Variants in MAN1A1 observed in about 807,000 individuals in gnomAD.
MAN1A1 encodes mannosyl-oligosaccharide 1,2-alpha-mannosidase IA.
A neutral mutation model predicts 70.8 loss-of-function variants in MAN1A1; 29 were observed. The observed-to-expected ratio is 0.41, with a 90% CI of 0.31 to 0.56. The LOEUF is 0.56. MAN1A1 is among the 20% of genes least tolerant of loss of function. MAN1A1 has a pLI of 0.29. For missense variants in MAN1A1, 747 were observed against 841.3 expected, an observed-to-expected ratio of 0.89 and a Z score of 1.39; for synonymous variants, 349 against 330.1, an observed-to-expected ratio of 1.06 and a Z score of -0.62.
intron 6 of MAN1A1, among the ~76,000 whole-genome samples, chr6:119,245,876 A>G (rs1460097179): frequency 1.3e-5 from 2 of 152,138 alleles, no homozygotes; most frequent in East Asian, 3.9e-4. Flanking sequence ...AATGCAAAAT[A>G]CTGCGCAAAA....
intron 4 of MAN1A1, among the ~76,000 whole-genome samples, chr6:119,294,283 T>C (rs1027780348): frequency 1.3e-5 from 2 of 152,102 alleles, no homozygotes; most frequent in Admixed American, 1.3e-4. Flanking sequence ...CTAATTTCCA[T>C]TAAATAATAA....
chr6:119,323,721 G>A (rs984036341), intron 2 of MAN1A1, among the ~76,000 whole-genome samples: 4 of 152,104 alleles, frequency 2.6e-5, no homozygotes, highest in Non-Finnish European at 5.9e-5. Flanking sequence ...GACAAATTCT[G>A]TAACCACAAG....
intron 3 of MAN1A1, among the ~76,000 whole-genome samples, chr6:119,302,996 C>A (rs1464296739): frequency 6.6e-6 from 1 of 152,068 alleles, no homozygotes; most frequent in Non-Finnish European, 1.5e-5. Context: ...ATTAAAATTA[C>A]ACGTGTGCAT....
At chr6:119,291,153 G>A (rs1221972079) in intron 4 of MAN1A1, among the ~76,000 whole-genome samples, 2 of 151,938 alleles carry the variant, frequency 1.3e-5, no homozygotes, top group African/African-American at 4.8e-5. Flanking sequence ...GGTCTTTCCT[G>A]TGCTGTTCTT....
chr6:119,251,187 C>T (rs1346362233), intron 5 of MAN1A1, among the ~76,000 whole-genome samples: 1 of 152,120 alleles, frequency 6.6e-6, no homozygotes, highest in Non-Finnish European at 1.5e-5. Context: ...TCCTCATTTC[C>T]ATTAATCTGT....
chr6:119,203,850 G>A (rs985641086), intron 7 of MAN1A1, among the ~76,000 whole-genome samples: 7 of 152,108 alleles, frequency 4.6e-5, no homozygotes, highest in Admixed American at 1.3e-4. Flanking sequence ...TGGAGTTCAG[G>A]GGACAGGTTG....
In MAN1A1 at chr6:119,327,560, T is replaced by C. The variant is rs148367568; in HGVS notation, c.604-20568A>G. On this transcript the variant is annotated intron_variant, in intron 2 of 12. Coordinates refer to ENST00000368468, the MANE Select transcript of MAN1A1 (RefSeq NM_005907.4). ...ATGCACCACCATGTCTGGCTAATTT[T>C]TGTATTTTTAATAGAGATGGGGTTT... 4.1e-3 allele frequency among the ~76,000 whole-genome samples: 625 copies of C among 152,130 alleles called. 3 individuals carry two copies. Among genetic ancestry groups the C allele is most frequent in the African/African-American group, 0.015 (606 of 41,504 alleles).
chr6:119,321,843 T>C (rs1330676872), intron 2 of MAN1A1, among the ~76,000 whole-genome samples: 1 of 152,036 alleles, frequency 6.6e-6, no homozygotes, highest in African/African-American at 2.4e-5. Flanking sequence ...GGTCTTGAAC[T>C]CCTAACCTCA....
In MAN1A1 at chr6:119,348,934, C is replaced by T; in HGVS notation, c.132G>A (p.Leu44=). The T allele has an allele frequency of 6.5e-7, 1 of 1,534,594 alleles. No individual in the cohort carries two copies. Among genetic ancestry groups the T allele is most frequent in the Non-Finnish European group, 8.8e-7 (1 of 1,141,200 alleles). The change falls in exon 2 of 13, where the codon CTG becomes CTA. Residue 44 remains leucine (L), a synonymous_variant. Coordinates refer to ENST00000368468, the MANE Select transcript of MAN1A1 (RefSeq NM_005907.4). ...AALRLTEKFV[L]LLVFSAFITL... ...TGATGAAGGCGCTGAATACCAGCAG[C>T]AGCACGAACTTCTCCGTCAGGCGGA...
intron 6 of MAN1A1, among the ~76,000 whole-genome samples, chr6:119,222,676 AT>A (rs1774396872): frequency 6.6e-6 from 1 of 152,124 alleles, no homozygotes; most frequent in Non-Finnish European, 1.5e-5. Flanking sequence ...TCTTGATTTC[AT>A]TTTCACATTA....
intron 6 of MAN1A1, among the ~76,000 whole-genome samples, chr6:119,240,842 C>T (rs771071282): frequency 2.0e-5 from 3 of 152,174 alleles, no homozygotes; most frequent in South Asian, 4.1e-4. Context: ...GTATTGAGTG[C>T]CTGGCAGAGC....
intron 3 of MAN1A1, among the ~76,000 whole-genome samples, chr6:119,305,241 T>C (rs1440322231): frequency 6.6e-6 from 1 of 152,220 alleles, no homozygotes; most frequent in Admixed American, 6.5e-5. Context: ...TAACAAATTT[T>C]AAAATCATAA....
At chr6:119,252,726 C>T (rs1033252341) in intron 5 of MAN1A1, among the ~76,000 whole-genome samples, 4 of 152,004 alleles carry the variant, frequency 2.6e-5, no homozygotes, top group African/African-American at 9.7e-5. Context: ...CGGGAGGCGG[C>T]AGTTGCAGTG....
chr6:119,313,542 A>G (rs1229851858), intron 2 of MAN1A1, among the ~76,000 whole-genome samples: 1 of 152,138 alleles, frequency 6.6e-6, no homozygotes, highest in Non-Finnish European at 1.5e-5. Flanking sequence ...CTTTACCCCA[A>G]TGTTACAATG....
intron 6 of MAN1A1, among the ~76,000 whole-genome samples, chr6:119,233,374 ATAT>A (rs1204714806): frequency 6.6e-6 from 1 of 152,138 alleles, no homozygotes. Context: ...TAGTCTTGTA[ATAT>A]TTACATCTAG....
At chr6:119,297,810 T>TTG (rs1772263897) in intron 4 of MAN1A1, among the ~76,000 whole-genome samples, 2 of 150,176 alleles carry the variant, frequency 1.3e-5, no homozygotes, top group African/African-American at 2.5e-5. Flanking sequence ...TTTTGTTTTG[T>TTG]TTTTTAAATA....
In MAN1A1 at chr6:119,341,086, C is replaced by A. The variant is rs555279289; in HGVS notation, c.603+7377G>T. ...AGCTCTAAAGTACCTAAAGCAACTA[C>A]CAGAGTATTCATGACAGAAATGAGG... On this transcript the variant is annotated intron_variant, in intron 2 of 12. Transcript: ENST00000368468. 3.9e-5 allele frequency among the ~76,000 whole-genome samples: 6 copies of A among 152,272 alleles called. No homozygotes were observed. The South Asian group carries it at 1.2e-3, about 32-fold the overall frequency.
intron 5 of MAN1A1, among the ~76,000 whole-genome samples, chr6:119,274,744 A>AG (rs1776008380): frequency 6.6e-6 from 1 of 152,200 alleles, no homozygotes; most frequent in African/African-American, 2.4e-5. Context: ...CAGAATAAAA[A>AG]GAGAGATTAA....
chr6:119,267,257 T>C (rs1217081400), intron 5 of MAN1A1, among the ~76,000 whole-genome samples: 1 of 152,170 alleles, frequency 6.6e-6, no homozygotes. Flanking sequence ...GAACTGAAAA[T>C]TTATGACCAT....
Sources: gnomAD v4.1 joint callset for allele counts (sites outside exome capture counted in the v4.1 genomes callset) on GRCh38, gnomAD v4.1.1 for gene constraint, MANE v1.5 for transcripts, NCBI Gene and HGNC (gene_info 2026-07-23, HGNC 2026-07-21) for gene names.